The following DENND1B variants were observed in gnomAD, a reference collection of about 807,000 sequenced individuals.
DENND1B encodes the protein DENN domain containing 1B.
In DENND1B, 59 loss-of-function variants were observed where a neutral mutation model predicts 90.1. That is an observed-to-expected ratio of 0.65 (90% CI 0.53 to 0.81). DENND1B has a LOEUF of 0.81. Among genes scored for constraint, DENND1B ranks in the 40% least tolerant of loss-of-function variants. The pLI, the probability that DENND1B is intolerant of heterozygous loss-of-function variation, is 0.00. For missense variants in DENND1B, 862 were observed against 912.6 expected (o/e 0.94, Z 0.71); for synonymous variants, 337 against 324.6 (o/e 1.04, Z -0.41).
Position 197,510,921 on chromosome 1 carries a change from A to T in DENND1B, c.1867T>A (p.Ser623Thr), listed in dbSNP as rs572485651. 4 of 1,580,428 alleles carry T rather than the reference A, an allele frequency of 2.5e-6. No homozygotes were observed. The highest frequency in any genetic ancestry group is 2.7e-5 in the African/African-American group (2 of 73,462). ...AGATTCCACTCTGCTTGGTCACCAG[A>T]ACCACCACAGAGGAAAGCCAGGTTA... Reference protein sequence around the residue: ...ENNLAFLCGGSGDQAEWNLGQ... With the variant: ...ENNLAFLCGGTGDQAEWNLGQ... Residue 623 changes from serine to threonine, a missense_variant, in exon 23 of 23, where the codon TCT (serine) becomes ACT (threonine). Physicochemically the swap from Ser to Thr is moderately conservative, Grantham distance 58. Transcript: ENST00000620048.
intron 15 of DENND1B, among the ~76,000 whole-genome samples, chr1:197,576,316 C>A (rs1299865468): frequency 6.6e-6 from 1 of 151,884 alleles, no homozygotes; most frequent in Non-Finnish European, 1.5e-5. Flanking sequence ...GATTTGGAGC[C>A]CAAAGAGGCA....
At chr1:197,607,989 A>T (rs1676845050) in intron 12 of DENND1B, among the ~76,000 whole-genome samples, 1 of 150,662 alleles carries the variant, frequency 6.6e-6, no homozygotes, top group Admixed American at 6.6e-5. Flanking sequence ...ATTCCTTAAT[A>T]AGTGCTCATT....
chr1:197,700,114 A>C (rs1658874222), intron 3 of DENND1B, among the ~76,000 whole-genome samples: 1 of 152,220 alleles, frequency 6.6e-6, no homozygotes, highest in African/African-American at 2.4e-5. Context: ...AAACTATTTT[A>C]AATTTCATAC....
chr1:197,706,132 G>A (rs1659510084), intron 3 of DENND1B, among the ~76,000 whole-genome samples: 1 of 152,134 alleles, frequency 6.6e-6, no homozygotes, highest in Non-Finnish European at 1.5e-5. Flanking sequence ...TTTGCAAATG[G>A]TGAGAACTCC....
At position 197,747,913 on chromosome 1, in the gene DENND1B, T is replaced by C. The variant is rs145656171; in HGVS notation, c.82+24955A>G. On this transcript the variant is annotated intron_variant, in intron 2 of 22. Transcript: ENST00000620048. ...TTGTGCCATAGATAATAAAGTCCTCTATTTCTGATCATGGAAACTCATGTC... is the reference window on the plus strand; with the variant it reads ...TTGTGCCATAGATAATAAAGTCCTCCATTTCTGATCATGGAAACTCATGTC... Among the ~76,000 whole-genome samples, 12 of 152,322 alleles carry C rather than the reference T, an allele frequency of 7.9e-5. No homozygotes were observed. The East Asian group carries it at 2.1e-3, about 27-fold the overall frequency.
chr1:197,627,055 G>A (rs1237478955), intron 10 of DENND1B, among the ~76,000 whole-genome samples: 1 of 151,836 alleles, frequency 6.6e-6, no homozygotes, highest in East Asian at 1.9e-4. Flanking sequence ...CAAACCAAAA[G>A]AGTCCAGGAC....
At chr1:197,623,161 A>G (rs1248027679) in intron 10 of DENND1B, among the ~76,000 whole-genome samples, 1 of 151,408 alleles carries the variant, frequency 6.6e-6, no homozygotes. Context: ...TGAGGGGCAG[A>G]TTTATATTCC....
chr1:197,705,026 T>G (rs1467402973), intron 3 of DENND1B, among the ~76,000 whole-genome samples: 1 of 152,104 alleles, frequency 6.6e-6, no homozygotes, highest in Non-Finnish European at 1.5e-5. Context: ...TAAAATGAAG[T>G]ATGCACATAA....
intron 2 of DENND1B, among the ~76,000 whole-genome samples, chr1:197,723,934 A>C (rs1661411058): frequency 6.6e-6 from 1 of 152,180 alleles, no homozygotes; most frequent in Admixed American, 6.5e-5. Flanking sequence ...AACAGTCTTA[A>C]TGTGAAACTT....
At chr1:197,589,992 T>G (rs556641685) in intron 14 of DENND1B, among the ~76,000 whole-genome samples, 2 of 152,290 alleles carry the variant, frequency 1.3e-5, no homozygotes, top group African/African-American at 4.8e-5. Context: ...AAATTTGACT[T>G]ATTTTTTTAT....
intron 15 of DENND1B, among the ~76,000 whole-genome samples, chr1:197,563,108 A>T (rs1672315028): frequency 6.6e-6 from 1 of 151,992 alleles, no homozygotes. Flanking sequence ...ATAAAAGTAC[A>T]TGGTAAAGCA....
intron 13 of DENND1B, among the ~76,000 whole-genome samples, chr1:197,601,716 G>C (rs1676227853): frequency 6.6e-6 from 1 of 151,486 alleles, no homozygotes; most frequent in African/African-American, 2.4e-5. Context: ...ACATAAAGGG[G>C]GGTATTACCA....
chr1:197,776,654 A>G (rs1168342109), upstream of DENND1B, among the ~76,000 whole-genome samples: 1 of 152,218 alleles, frequency 6.6e-6, no homozygotes, highest in Non-Finnish European at 1.5e-5. Context: ...AGGAGTCTTA[A>G]GAATTAAAAA....
At chr1:197,749,066 A>C (rs1653097454) in intron 2 of DENND1B, among the ~76,000 whole-genome samples, 2 of 152,266 alleles carry the variant, frequency 1.3e-5, no homozygotes, top group African/African-American at 4.8e-5. Flanking sequence ...TAGAGAACCT[A>C]AGTACAGAAT....
At chr1:197,576,740 T>C (rs988683145) in intron 15 of DENND1B, among the ~76,000 whole-genome samples, 2 of 152,068 alleles carry the variant, frequency 1.3e-5, no homozygotes, top group East Asian at 1.9e-4. Flanking sequence ...CTTTTTTGGA[T>C]AGAAAAGTTT....
intron 7 of DENND1B, among the ~76,000 whole-genome samples, chr1:197,649,533 G>A (rs1393473955): frequency 1.3e-5 from 2 of 152,078 alleles, no homozygotes; most frequent in Non-Finnish European, 2.9e-5. Flanking sequence ...ATGGACCAAT[G>A]GAACAGAATA....
chr1:197,540,939 A>G lies in DENND1B; in HGVS notation c.1407+20T>C. 6.2e-7 allele frequency: 1 copy of G among 1,601,596 alleles called. No individual in the cohort carries two copies. Among genetic ancestry groups the G allele is most frequent in the Non-Finnish European group, 8.5e-7 (1 of 1,174,504 alleles). ...AATACAAGAATCAAGGTAAAATGGA[A>G]AAAAATGAATATGACATACCTTGTG... On this transcript the variant is annotated intron_variant, in intron 19 of 22. Transcript: ENST00000620048.
At chr1:197,640,380 G>T (rs1265340775) in intron 10 of DENND1B, among the ~76,000 whole-genome samples, 2 of 151,594 alleles carry the variant, frequency 1.3e-5, no homozygotes, top group African/African-American at 4.8e-5. Context: ...GGCTGAGGTA[G>T]GAGAATATCT....
chr1:197,529,226 ATATATATATATATATATGTG>A (rs746426288), intron 20 of DENND1B, among the ~76,000 whole-genome samples: 1 of 19,238 alleles, frequency 5.2e-5, no homozygotes. Context: ...ATATATATAT[ATATATATATATATATATGTG>A]TGTGTGTGTG....
Sources: gnomAD v4.1 joint callset for allele counts (sites outside exome capture counted in the v4.1 genomes callset) on GRCh38, gnomAD v4.1.1 for gene constraint, MANE v1.5 for transcripts, NCBI Gene and HGNC (gene_info 2026-07-23, HGNC 2026-07-21) for gene names.